HCRTR2: variants seen among roughly 807,000 people sequenced by gnomAD.
HCRTR2 encodes the protein hypocretin receptor 2.
Under a neutral mutation model 49.0 loss-of-function variants are expected in HCRTR2, and 22 were observed. The ratio of observed to expected loss-of-function variants is 0.45; its 90% CI spans 0.32 to 0.64. The LOEUF (loss-of-function observed/expected upper bound fraction) is 0.64, where lower values mean the gene tolerates loss of function less well. Among genes scored for constraint, HCRTR2 ranks in the 30% least tolerant of loss-of-function variants. HCRTR2 has a pLI of 0.04. For missense variants in HCRTR2, 491 were observed against 559.4 expected (o/e 0.88, Z 1.23); for synonymous variants, 236 against 205.3 (o/e 1.15, Z -1.28).
chr6:55,225,388 T>C (rs1338189247), intron 1 of HCRTR2, among the ~76,000 whole-genome samples: 9 of 152,186 alleles, frequency 5.9e-5, no homozygotes, highest in Admixed American at 5.9e-4. Context: ...TTTCTTGTCC[T>C]CATCCTTCTA....
chr6:55,141,861 T>C (rs1289369490), intron 1 of HCRTR2, among the ~76,000 whole-genome samples: 1 of 152,200 alleles, frequency 6.6e-6, no homozygotes, highest in African/African-American at 2.4e-5. Flanking sequence ...AAGGAATTAT[T>C]GCTAAAGAAA....
chr6:55,242,998 G>A (rs1043924356), intron 1 of HCRTR2, among the ~76,000 whole-genome samples: 3 of 152,044 alleles, frequency 2.0e-5, no homozygotes, highest in Non-Finnish European at 4.4e-5. Context: ...TTGGATCATG[G>A]CTGCAGATGT....
chr6:55,236,845 G>A (rs144299494), intron 1 of HCRTR2, among the ~76,000 whole-genome samples: 9 of 151,880 alleles, frequency 5.9e-5, no homozygotes, highest in East Asian at 3.9e-4. Flanking sequence ...CCTTTAATTC[G>A]TTTTGAAAAA....
chr6:55,228,422 A>ATCTT (rs1766053165), intron 1 of HCRTR2, among the ~76,000 whole-genome samples: 1 of 152,218 alleles, frequency 6.6e-6, no homozygotes, highest in African/African-American at 2.4e-5. Flanking sequence ...GCTTCTTAGC[A>ATCTT]TCTTTGTCTT....
chr6:55,237,796 G>A (rs1229292006), intron 1 of HCRTR2, among the ~76,000 whole-genome samples: 6 of 152,168 alleles, frequency 3.9e-5, no homozygotes, highest in African/African-American at 1.4e-4. Context: ...AAACTATTTT[G>A]TAATAGTAAA....
chr6:55,130,305 G>A (rs1764336982), intron 1 of HCRTR2, among the ~76,000 whole-genome samples: 1 of 151,722 alleles, frequency 6.6e-6, no homozygotes, highest in Non-Finnish European at 1.5e-5. Context: ...TTATTTTCCA[G>A]TATTCCCCAT....
intron 1 of HCRTR2, among the ~76,000 whole-genome samples, chr6:55,189,561 G>A (rs1765281254): frequency 2.6e-5 from 4 of 152,172 alleles, no homozygotes; most frequent in African/African-American, 7.2e-5. Context: ...AACACTGCAT[G>A]TTCTCACTTA....
In HCRTR2 at chr6:55,280,580, T is replaced by C. The variant is rs1767171078; in HGVS notation, c.1105+136T>C. 4.9e-6 allele frequency: 6 copies of C among 1,228,274 alleles called. No homozygotes were observed. In the East Asian group the frequency reaches 1.3e-4, roughly 26 times the overall value. The allele number at this position is 1,228,274 out of a possible 1,614,324, so 76.1% of individuals were successfully genotyped here. A position where few individuals can be genotyped will look rare whatever the true frequency, so the allele number is the denominator to read the frequency against. ...TCCCTGACCTGATTTATCTTGAGTT[T>C]CTTCTCTTTTGAGGCAAAGTATTTG... On this transcript the variant is annotated intron_variant, in intron 6 of 6. Transcript: ENST00000370862.
rs35417906 is a variant in HCRTR2, at chr6:55,277,524, G to GC, written c.910dup (p.Arg304ProfsTer18). ...GCAGATCCGAGCCAGAAGGAAAACA[G>GC]CCCGGATGTTGATGATTGTGCTTTT... On this transcript the variant is annotated frameshift_variant, in exon 5 of 7. Coordinates refer to ENST00000370862, the MANE Select transcript of HCRTR2 (RefSeq NM_001384272.1). LOFTEE classifies it high-confidence loss of function. 6.2e-7 allele frequency: 1 copy of GC among 1,614,102 alleles called. No homozygotes were observed. The highest frequency in any genetic ancestry group is 8.5e-7 in the Non-Finnish European group (1 of 1,179,992).
chr6:55,268,134 G>C (rs1012646095), intron 4 of HCRTR2, among the ~76,000 whole-genome samples: 1 of 152,096 alleles, frequency 6.6e-6, no homozygotes, highest in African/African-American at 2.4e-5. Flanking sequence ...TAAGCAGCTT[G>C]TTTAGATTAA....
At chr6:55,107,550 C>CTG (rs1763991930) in intron 1 of HCRTR2, among the ~76,000 whole-genome samples, 2 of 146,910 alleles carry the variant, frequency 1.4e-5, no homozygotes, top group African/African-American at 5.3e-5. Flanking sequence ...AACATATACA[C>CTG]TATAGTTTCT....
chr6:55,138,568 T>G (rs2127251558), intron 1 of HCRTR2, among the ~76,000 whole-genome samples: 1 of 152,334 alleles, frequency 6.6e-6, no homozygotes, highest in South Asian at 2.1e-4. Context: ...GTTAAAACTG[T>G]ATTTTTTGTT....
chr6:55,188,233 T>G (rs1765258617), intron 1 of HCRTR2, among the ~76,000 whole-genome samples: 1 of 152,206 alleles, frequency 6.6e-6, no homozygotes, highest in South Asian at 2.1e-4. Flanking sequence ...AAAAGGGACT[T>G]GGGTTCCATA....
intron 1 of HCRTR2, among the ~76,000 whole-genome samples, chr6:55,225,168 A>G (rs1349967637): frequency 2.0e-5 from 3 of 152,194 alleles, no homozygotes; most frequent in African/African-American, 7.2e-5. Context: ...TTTAATGTAG[A>G]TAAATGAAAG....
chr6:55,123,666 T>G (rs2127239681), intron 1 of HCRTR2, among the ~76,000 whole-genome samples: 1 of 152,292 alleles, frequency 6.6e-6, no homozygotes, highest in Non-Finnish European at 1.5e-5. Flanking sequence ...GGATTCCTGC[T>G]TTTTCTATTG....
intron 1 of HCRTR2, among the ~76,000 whole-genome samples, chr6:55,180,354 T>C (rs941856379): frequency 3.9e-5 from 6 of 152,160 alleles, no homozygotes; most frequent in Admixed American, 1.3e-4. Context: ...TGGAGATGCA[T>C]AGGCAAAAAG....
chr6:55,177,493 A>G (rs1325694794), intron 1 of HCRTR2, among the ~76,000 whole-genome samples: 1 of 152,190 alleles, frequency 6.6e-6, no homozygotes, highest in Non-Finnish European at 1.5e-5. Flanking sequence ...GTAGGACAGG[A>G]TGTCACATGA....
At chr6:55,137,767 C>T (rs1160915871) in intron 1 of HCRTR2, among the ~76,000 whole-genome samples, 19 of 152,238 alleles carry the variant, frequency 1.2e-4, no homozygotes, top group Non-Finnish European at 2.9e-5. Context: ...ACTTTACCTA[C>T]TGGGTAACTG....
At chr6:55,255,505 G>T in intron 3 of HCRTR2, 126 bp downstream of exon 3, 1 of 1,142,624 alleles carries the variant, frequency 8.8e-7, no homozygotes, top group East Asian at 2.4e-5. Flanking sequence ...AGTTTTGCAA[G>T]AGCATGAAAA....
Sources: gnomAD v4.1 joint callset for allele counts (sites outside exome capture counted in the v4.1 genomes callset) on GRCh38, gnomAD v4.1.1 for gene constraint, MANE v1.5 for transcripts, NCBI Gene and HGNC (gene_info 2026-07-23, HGNC 2026-07-21) for gene names.